LRP1B: variants seen among roughly 807,000 people sequenced by gnomAD.
LRP1B encodes the protein low-density lipoprotein receptor-related protein 1B.
In LRP1B, 217 loss-of-function variants were observed where a neutral mutation model predicts 556.6. The observed-to-expected ratio is 0.39, with a 90% CI of 0.35 to 0.44. LRP1B has a LOEUF of 0.44. Among genes scored for constraint, LRP1B ranks in the 20% least tolerant of loss-of-function variants. LRP1B has a pLI of 1.00. For synonymous variants in LRP1B, 2,047 were observed against 1,865.8 expected (o/e 1.10, Z -2.50); for missense variants, 5,053 against 5,620.8 (o/e 0.90, Z 3.23).
At chr2:141,828,055 TGAAAG>T (rs1344510705) in intron 1 of LRP1B, among the ~76,000 whole-genome samples, 1 of 151,720 alleles carries the variant, frequency 6.6e-6, no homozygotes, top group Non-Finnish European at 1.5e-5. Context: ...TGATGGGAAA[TGAAAG>T]GAGTGTTTTC....
At chr2:140,909,845 G>T (rs187155997) in intron 21 of LRP1B, among the ~76,000 whole-genome samples, 1 of 150,472 alleles carries the variant, frequency 6.6e-6, no homozygotes, top group Non-Finnish European at 1.5e-5. Context: ...AGAAGAAAAG[G>T]CCAATTAAAA....
chr2:141,763,316 G>A (rs1356149517), intron 2 of LRP1B, among the ~76,000 whole-genome samples: 1 of 151,992 alleles, frequency 6.6e-6, no homozygotes, highest in African/African-American at 2.4e-5. Context: ...TGATTTAAAT[G>A]TTGATGTTGA....
chr2:141,514,279 T>G (rs10165979), intron 2 of LRP1B, among the ~76,000 whole-genome samples: 147,882 of 152,086 alleles, frequency 0.97, 72,030 homozygotes, highest in East Asian at 1. Context: ...AATCTGGTTA[T>G]GTAATGCCCC....
At chr2:140,994,695 T>C (rs894743140) in intron 15 of LRP1B, among the ~76,000 whole-genome samples, 1 of 152,024 alleles carries the variant, frequency 6.6e-6, no homozygotes, top group Non-Finnish European at 1.5e-5. Flanking sequence ...TTTCACTATG[T>C]ATATTAAAAC....
intron 2 of LRP1B, among the ~76,000 whole-genome samples, chr2:141,773,802 A>G (rs931470818): frequency 6.6e-5 from 10 of 152,278 alleles, no homozygotes; most frequent in Non-Finnish European, 1.0e-4. Flanking sequence ...CTTGAAATAC[A>G]AAAGCATGAT....
chr2:140,309,177 C>T (rs1298423090), intron 83 of LRP1B, among the ~76,000 whole-genome samples: 1 of 151,742 alleles, frequency 6.6e-6, no homozygotes, highest in East Asian at 1.9e-4. Flanking sequence ...CTATAGCTGT[C>T]AGGTTTTCTT....
intron 7 of LRP1B, among the ~76,000 whole-genome samples, chr2:141,150,360 G>C (rs983212333): frequency 6.6e-6 from 1 of 152,186 alleles, no homozygotes; most frequent in Admixed American, 6.5e-5. Context: ...AAAGAAATCT[G>C]AGCAGGTTTC....
chr2:141,209,852 A>G (rs2105248613), intron 6 of LRP1B, among the ~76,000 whole-genome samples: 1 of 152,328 alleles, frequency 6.6e-6, no homozygotes, highest in African/African-American at 2.4e-5. Context: ...TTATAAGGAA[A>G]GCAAGTACAA....
chr2:141,320,981 GA>G (rs1687215766), intron 3 of LRP1B, among the ~76,000 whole-genome samples: 1 of 152,028 alleles, frequency 6.6e-6, no homozygotes, highest in Non-Finnish European at 1.5e-5. Flanking sequence ...AGGGTTATAA[GA>G]TATAACAAAA....
rs1366948962 is a variant in LRP1B at position 140,330,255 on chromosome 2, A to G, written c.12223+4198T>C. Among the ~76,000 whole-genome samples the G allele has an allele frequency of 2.7e-5, 4 of 149,030 alleles. No homozygotes were observed. The Admixed American group carries it at 2.7e-4, about 10-fold the overall frequency. On this transcript the variant is annotated intron_variant, in intron 79 of 90. Coordinates refer to ENST00000389484, the MANE Select transcript of LRP1B (RefSeq NM_018557.3). Reference sequence around the variant, plus strand: ...AATAATAATAATATGGAGCCAAAAAAGAGCCCGTATAGCTAAGATAATCCT... The same window carrying G: ...AATAATAATAATATGGAGCCAAAAAGGAGCCCGTATAGCTAAGATAATCCT...
At chr2:140,989,173 GT>G (rs1474819558) in intron 17 of LRP1B, among the ~76,000 whole-genome samples, 1 of 151,596 alleles carries the variant, frequency 6.6e-6, no homozygotes. Context: ...TTTTCTCAAG[GT>G]TAAAAAAAAA....
chr2:141,387,938 C>G (rs796701588), intron 3 of LRP1B, among the ~76,000 whole-genome samples: 6 of 152,142 alleles, frequency 3.9e-5, no homozygotes, highest in African/African-American at 1.4e-4. Flanking sequence ...AACACCTTAA[C>G]AAACTAAATC....
chr2:141,477,605 T>C (rs1210773097), intron 3 of LRP1B, among the ~76,000 whole-genome samples: 1 of 152,216 alleles, frequency 6.6e-6, no homozygotes. Context: ...ATTTGGTTTT[T>C]GTCCATGTGG....
intron 3 of LRP1B, among the ~76,000 whole-genome samples, chr2:141,447,176 G>A (rs1281456215): frequency 6.6e-6 from 1 of 151,404 alleles, no homozygotes; most frequent in Non-Finnish European, 1.5e-5. Context: ...TTCAATCTCT[G>A]ATATCCTTTC....
intron 8 of LRP1B, among the ~76,000 whole-genome samples, chr2:141,059,801 A>C (rs972743676): frequency 2.0e-5 from 3 of 151,776 alleles, no homozygotes; most frequent in Non-Finnish European, 4.4e-5. Context: ...TGAACTTAGA[A>C]AGTTTTCCCC....
At chr2:141,486,578 T>G (rs551683953) in intron 2 of LRP1B, among the ~76,000 whole-genome samples, 2 of 152,090 alleles carry the variant, frequency 1.3e-5, no homozygotes, top group Non-Finnish European at 2.9e-5. Context: ...GGAAACAGCA[T>G]GACTTCTCCT....
At chr2:141,486,429 G>T (rs1040450936) in intron 2 of LRP1B, among the ~76,000 whole-genome samples, 1 of 152,060 alleles carries the variant, frequency 6.6e-6, no homozygotes, top group Non-Finnish European at 1.5e-5. Flanking sequence ...GATAATAAAG[G>T]ACATAAGTTC....
rs538077604 is a variant in LRP1B, at chr2:140,336,678, G to C, written c.11893-840C>G. On this transcript the variant is annotated intron_variant, in intron 77 of 90. Transcript: ENST00000389484. ...TCTTTTGAGGAAAGTCACAATATCT[G>C]TTATTTATCTTACATTTGATAGGTT... Among the ~76,000 whole-genome samples the C allele has an allele frequency of 5.9e-5, 9 of 151,954 alleles. No individual in the cohort carries two copies. In the East Asian group the frequency reaches 1.8e-3, roughly 30 times the overall value.
At chr2:140,288,062 A>G (rs745784493) in intron 84 of LRP1B, among the ~76,000 whole-genome samples, 5 of 151,650 alleles carry the variant, frequency 3.3e-5, no homozygotes, top group African/African-American at 4.8e-5. Context: ...ATGATAGGCT[A>G]TACGACCATA....
Sources: gnomAD v4.1 joint callset for allele counts (sites outside exome capture counted in the v4.1 genomes callset) on GRCh38, gnomAD v4.1.1 for gene constraint, MANE v1.5 for transcripts, NCBI Gene and HGNC (gene_info 2026-07-23, HGNC 2026-07-21) for gene names.